Variants in VPS13B observed in about 807,000 individuals in gnomAD.
VPS13B encodes vacuolar protein sorting 13 homolog B.
In VPS13B, 285 loss-of-function variants were observed where a neutral mutation model predicts 426.4. The observed-to-expected ratio is 0.67, with a 90% confidence interval of 0.61 to 0.74. The LOEUF is 0.74. Among genes scored for constraint, VPS13B ranks in the 30% least tolerant of loss-of-function variants. The probability of loss-of-function intolerance (pLI) is 0.00; values close to 1 mark genes in which losing one functional copy is unlikely to be tolerated. For missense variants in VPS13B, 4,537 were observed against 4,782.6 expected, an observed-to-expected ratio of 0.95 and a Z score of 1.51; for synonymous variants, 1,676 against 1,676.4, an observed-to-expected ratio of 1.00 and a Z score of 0.01.
At chr8:99,105,585 G>A (rs541118253) in intron 5 of VPS13B, among the ~76,000 whole-genome samples, 3 of 152,150 alleles carry the variant, frequency 2.0e-5, no homozygotes, top group Admixed American at 6.5e-5. Context: ...CACCATGTTG[G>A]CCAGTCTGGT....
intron 33 of VPS13B, among the ~76,000 whole-genome samples, chr8:99,581,537 C>T (rs1826059705): frequency 6.6e-6 from 1 of 152,116 alleles, no homozygotes; most frequent in Non-Finnish European, 1.5e-5. Context: ...TCACTGTCCC[C>T]TTCAAGTACT....
intron 17 of VPS13B, among the ~76,000 whole-genome samples, chr8:99,207,904 A>T (rs1256850246): frequency 6.6e-6 from 1 of 152,232 alleles, no homozygotes; most frequent in Non-Finnish European, 1.5e-5. Flanking sequence ...AACAAGAAAT[A>T]GACATGATTT....
At chr8:99,418,195 G>A (rs981177703) in intron 21 of VPS13B, among the ~76,000 whole-genome samples, 1 of 151,952 alleles carries the variant, frequency 6.6e-6, no homozygotes, top group Non-Finnish European at 1.5e-5. Context: ...GAAGATAATA[G>A]GTACTCCATA....
intron 39 of VPS13B, among the ~76,000 whole-genome samples, chr8:99,754,094 T>G (rs1588684860): frequency 6.6e-6 from 1 of 151,594 alleles, no homozygotes; most frequent in Admixed American, 6.6e-5. Context: ...GGTTTTTTTT[T>G]TTTTTTTTTT....
In VPS13B at chr8:99,135,670, T is replaced by A; in HGVS notation, c.1500T>A (p.Asp500Glu). ...CATACCTTACAAATTCATTGTTTGA[T>A]TACCGAAGCCCAGAAAATAATGGTA... ...GFTYLTNSLF[D>E]YRSPENNGTR... Residue 500 changes from aspartate to glutamate, a missense_variant, in exon 11 of 62, where the codon GAT becomes GAA. Around this residue, in one of 2 missense-constraint regions of VPS13B, gnomAD observed 4,311 missense variants for 4,474.3 expected, o/e 0.96. Coordinates refer to ENST00000357162, the MANE Select transcript of VPS13B (RefSeq NM_152564.5). 1 of 1,613,500 alleles carries A rather than the reference T, an allele frequency of 6.2e-7. No individual in the cohort carries two copies. Among genetic ancestry groups the A allele is most frequent in the Non-Finnish European group, 8.5e-7 (1 of 1,179,548 alleles).
chr8:99,482,296 C>T (rs993679530), intron 25 of VPS13B, among the ~76,000 whole-genome samples: 7 of 152,048 alleles, frequency 4.6e-5, no homozygotes, highest in Admixed American at 3.9e-4. Context: ...CATGCCAGTA[C>T]CTCTTTTGTA....
chr8:99,107,229 A>C (rs1395810470), intron 5 of VPS13B, among the ~76,000 whole-genome samples: 1 of 152,230 alleles, frequency 6.6e-6, no homozygotes, highest in Non-Finnish European at 1.5e-5. Flanking sequence ...CCACAGATGG[A>C]AGTGTATATT....
rs575407315 is a variant in VPS13B, at chr8:99,599,258, G to T, written c.5220+21625G>T. Reference sequence around the variant, plus strand: ...TAATATCTGCCTTCCTGTCTCCCCGGGCCTCTCCCATCTACTCCTCTGTAA... The same window carrying T: ...TAATATCTGCCTTCCTGTCTCCCCGTGCCTCTCCCATCTACTCCTCTGTAA... On this transcript the variant is annotated intron_variant, in intron 33 of 61. Coordinates refer to ENST00000357162, the MANE Select transcript of VPS13B (RefSeq NM_152564.5). Among the ~76,000 whole-genome samples, 6 of 151,676 alleles carry T rather than the reference G, an allele frequency of 4.0e-5. No individual in the cohort carries two copies. In the South Asian group the frequency reaches 1.3e-3, roughly 32 times the overall value.
rs182700162 is a variant in VPS13B, at chr8:99,790,005, A to G, written c.7941+5529A>G. 1.1e-4 allele frequency among the ~76,000 whole-genome samples: 16 copies of G among 152,234 alleles called. 1 individual carries two copies. The highest frequency in any genetic ancestry group is 1.0e-3 in the Admixed American group (16 of 15,282). On this transcript the variant is annotated intron_variant, in intron 43 of 61. Transcript: ENST00000357162. The stretch of plus-strand genomic sequence containing the variant: ...TAAATTTGAGACATTAAGCACCCCC[A>G]CACACACACCCAAAACTCACATACA...
intron 39 of VPS13B, among the ~76,000 whole-genome samples, chr8:99,744,990 A>T (rs538539424): frequency 2.0e-5 from 3 of 152,124 alleles, no homozygotes; most frequent in African/African-American, 4.8e-5. Context: ...AGAACCTATC[A>T]GTTTTTTCAA....
intron 36 of VPS13B, among the ~76,000 whole-genome samples, chr8:99,703,476 G>T (rs116455041): frequency 1.4e-3 from 217 of 152,084 alleles, no homozygotes; most frequent in African/African-American, 3.9e-3. Flanking sequence ...TTTAAGGTTG[G>T]TGTATAATAT....
At chr8:99,208,945 G>A (rs4735606) in intron 17 of VPS13B, among the ~76,000 whole-genome samples, 8,560 of 152,222 alleles carry the variant, frequency 0.056, 274 homozygotes, top group African/African-American at 0.089. Flanking sequence ...AGAATGAGAA[G>A]TTGGGTTCTA....
At chr8:99,163,353 C>A (rs572373864) in intron 15 of VPS13B, among the ~76,000 whole-genome samples, 50 of 152,346 alleles carry the variant, frequency 3.3e-4, no homozygotes, top group African/African-American at 1.1e-3. Context: ...GATCCCGCAC[C>A]GGGGCTGCAG....
intron 31 of VPS13B, among the ~76,000 whole-genome samples, chr8:99,568,680 G>A (rs1825314860): frequency 6.6e-6 from 1 of 152,040 alleles, no homozygotes; most frequent in African/African-American, 2.4e-5. Flanking sequence ...CTAGGAATAG[G>A]TTTATGTAAC....
chr8:99,334,299 T>C (rs1157584264), intron 19 of VPS13B, among the ~76,000 whole-genome samples: 1 of 152,004 alleles, frequency 6.6e-6, no homozygotes, highest in African/African-American at 2.4e-5. Context: ...TTGTTTTAAT[T>C]TGTGCTTCTC....
At chr8:99,779,549 A>G (rs1412567200) in intron 42 of VPS13B, among the ~76,000 whole-genome samples, 1 of 152,224 alleles carries the variant, frequency 6.6e-6, no homozygotes, top group East Asian at 1.9e-4. Flanking sequence ...AAAAAGTACT[A>G]GATAATGGAT....
chr8:99,210,407 C>T (rs1815009886), intron 17 of VPS13B, among the ~76,000 whole-genome samples: 1 of 152,044 alleles, frequency 6.6e-6, no homozygotes, highest in Non-Finnish European at 1.5e-5. Flanking sequence ...CTGCAGTATC[C>T]TCAGTATCTT....
At chr8:99,050,804 A>C (rs530212516) in intron 3 of VPS13B, among the ~76,000 whole-genome samples, 7 of 152,300 alleles carry the variant, frequency 4.6e-5, no homozygotes, top group African/African-American at 1.7e-4. Flanking sequence ...GCAAGTTTTC[A>C]TGTGTCTTTT....
chr8:99,574,333 C>G (rs1313054449), intron 31 of VPS13B, among the ~76,000 whole-genome samples: 2 of 152,118 alleles, frequency 1.3e-5, no homozygotes, highest in African/African-American at 2.4e-5. Flanking sequence ...ACTTCCAACA[C>G]TATGTTGAAT....
Sources: gnomAD v4.1 joint callset for allele counts (sites outside exome capture counted in the v4.1 genomes callset) on GRCh38, gnomAD v4.1.1 for gene constraint, gnomAD v4.1.1 regional missense constraint, MANE v1.5 for transcripts, NCBI Gene and HGNC (gene_info 2026-07-23, HGNC 2026-07-21) for gene names.